SUGCT: variants seen among roughly 807,000 people sequenced by gnomAD.
SUGCT encodes the protein succinyl-CoA:glutarate-CoA transferase, also known as succinyl-CoA:glutarate CoA-transferase.
SUGCT carries 41 observed loss-of-function variants against 55.0 expected under a neutral mutation model. The observed-to-expected ratio is 0.74, with a 90% CI of 0.58 to 0.97. The LOEUF is 0.97. SUGCT is among the 50% of genes least tolerant of loss of function. The pLI is 0.00. For missense variants in SUGCT, 568 were observed against 547.8 expected, an observed-to-expected ratio of 1.04 and a Z score of -0.37; for synonymous variants, 187 against 200.4, an observed-to-expected ratio of 0.93 and a Z score of 0.56.
chr7:40,833,382 G>A (rs541917557), intron 13 of SUGCT, among the ~76,000 whole-genome samples: 1 of 152,282 alleles, frequency 6.6e-6, no homozygotes, highest in East Asian at 1.9e-4. Context: ...TACGTGGAAA[G>A]TAAACATTGA....
chr7:40,673,728 G>A (rs751170456), intron 12 of SUGCT, among the ~76,000 whole-genome samples: 1 of 152,024 alleles, frequency 6.6e-6, no homozygotes, highest in Non-Finnish European at 1.5e-5. Context: ...AATATGAGGG[G>A]ACTAACTGCA....
chr7:40,699,152 T>C (rs1785066296), intron 12 of SUGCT, among the ~76,000 whole-genome samples: 1 of 152,124 alleles, frequency 6.6e-6, no homozygotes, highest in Non-Finnish European at 1.5e-5. Flanking sequence ...GTGCCAAATA[T>C]TTATGGAGCA....
chr7:40,820,886 C>A (rs1461721395), intron 13 of SUGCT, among the ~76,000 whole-genome samples: 64 of 152,266 alleles, frequency 4.2e-4, no homozygotes. Context: ...TTCAGTATGA[C>A]ATTGGCTCTG....
chr7:40,203,117 A>G (rs1398483515), intron 6 of SUGCT, among the ~76,000 whole-genome samples: 4 of 152,160 alleles, frequency 2.6e-5, no homozygotes, highest in Non-Finnish European at 1.5e-5. Context: ...TAAGGGGAAA[A>G]CAGCTTGCTC....
intron 12 of SUGCT, among the ~76,000 whole-genome samples, chr7:40,635,982 T>C (rs903735272): frequency 6.6e-6 from 1 of 152,228 alleles, no homozygotes; most frequent in Admixed American, 6.5e-5. Context: ...ATCTATTCTA[T>C]GGGATACGTG....
intron 13 of SUGCT, among the ~76,000 whole-genome samples, chr7:40,784,207 T>G (rs997095015): frequency 4.6e-5 from 7 of 152,122 alleles, no homozygotes; most frequent in Non-Finnish European, 1.0e-4. Context: ...GGAGCCATTT[T>G]GTGTGTGTTG....
At chr7:40,246,323 C>G (rs567663956) in intron 7 of SUGCT, among the ~76,000 whole-genome samples, 1 of 151,440 alleles carries the variant, frequency 6.6e-6, no homozygotes, top group African/African-American at 2.4e-5. Context: ...AACCTTGGCT[C>G]ACTGCAACAT....
intron 1 of SUGCT, among the ~76,000 whole-genome samples, chr7:40,172,983 C>T (rs1178441637): frequency 6.6e-6 from 1 of 152,174 alleles, no homozygotes; most frequent in Non-Finnish European, 1.5e-5. Flanking sequence ...TTTGGAGAAT[C>T]CCCAGACGAG....
chr7:40,946,314 G>A, the SUGCT span, among the ~76,000 whole-genome samples: 1 of 152,136 alleles, frequency 6.6e-6, no homozygotes, highest in Non-Finnish European at 1.5e-5. Flanking sequence ...ATAGTGGGTG[G>A]AGGGGTAAGG....
chr7:40,509,557 A>G (rs1792807205), intron 12 of SUGCT, among the ~76,000 whole-genome samples: 1 of 152,170 alleles, frequency 6.6e-6, no homozygotes, highest in African/African-American at 2.4e-5. Flanking sequence ...TAGGCAAATG[A>G]ACAAAATAAT....
intron 6 of SUGCT, among the ~76,000 whole-genome samples, chr7:40,195,798 T>C (rs868363371): frequency 7.8e-6 from 1 of 129,022 alleles, no homozygotes; most frequent in African/African-American, 2.9e-5. Flanking sequence ...CACTGCACCC[T>C]CTGCCCCTAG....
chr7:40,135,239 T>C (rs1787615675), intron 1 of SUGCT, 119 bp downstream of exon 1: 1 of 1,245,340 alleles, frequency 8.0e-7, no homozygotes, highest in Non-Finnish European at 1.1e-6. Flanking sequence ...AGCGGTGGCT[T>C]TGCTCGCCTC....
At chr7:40,164,376 C>A (rs754341102) in intron 1 of SUGCT, among the ~76,000 whole-genome samples, 4 of 152,136 alleles carry the variant, frequency 2.6e-5, no homozygotes, top group Non-Finnish European at 4.4e-5. Flanking sequence ...GATCTGCCTG[C>A]CTTGGCCTCC....
chr7:40,888,429 G>A, the SUGCT span, among the ~76,000 whole-genome samples: 75 of 149,860 alleles, frequency 5.0e-4, no homozygotes, highest in African/African-American at 1.4e-3. Context: ...CCAGTGTGGC[G>A]ACAGAGTGAG....
At chr7:40,530,251 GTA>G (rs1213646699) in intron 12 of SUGCT, among the ~76,000 whole-genome samples, 2 of 152,158 alleles carry the variant, frequency 1.3e-5, no homozygotes, top group East Asian at 3.8e-4. Context: ...CAAGTTGAGT[GTA>G]GTTTGTTCTA....
chr7:41,006,312 A>G, the SUGCT span, among the ~76,000 whole-genome samples: 5 of 152,182 alleles, frequency 3.3e-5, no homozygotes, highest in African/African-American at 4.8e-5. Context: ...CTGACCCTCA[A>G]CCAGGGGCTG....
intron 12 of SUGCT, among the ~76,000 whole-genome samples, chr7:40,720,685 C>A (rs1020136980): frequency 1.3e-5 from 2 of 152,186 alleles, no homozygotes; most frequent in Admixed American, 1.3e-4. Flanking sequence ...TGTTCTGTCT[C>A]TTAGAAATAA....
intron 6 of SUGCT, among the ~76,000 whole-genome samples, chr7:40,213,372 G>T (rs1032992957): frequency 6.6e-6 from 1 of 152,132 alleles, no homozygotes; most frequent in Non-Finnish European, 1.5e-5. Context: ...AACTGGGTTT[G>T]TCTGATGTTT....
intron 13 of SUGCT, among the ~76,000 whole-genome samples, chr7:40,787,686 C>G (rs1448840067): frequency 4.6e-5 from 3 of 65,180 alleles, no homozygotes; most frequent in Admixed American, 4.5e-4. Flanking sequence ...AAAAAAAAAG[C>G]CTCAAGAAAT....
Sources: allele counts gnomAD v4.1 joint callset (sites outside exome capture counted in the v4.1 genomes callset), GRCh38; gene constraint gnomAD v4.1.1; transcripts MANE v1.5; gene names NCBI Gene and HGNC (gene_info 2026-07-23, HGNC 2026-07-21).